The following PRMT8 variants were observed in gnomAD, a reference collection of about 807,000 sequenced individuals.
The protein encoded by PRMT8 is protein arginine N-methyltransferase 8.
Under a neutral mutation model 47.1 loss-of-function variants are expected in PRMT8, and 7 were observed. The ratio of observed to expected loss-of-function variants is 0.15; its 90% CI spans 0.08 to 0.28. The LOEUF is 0.28. PRMT8 is among the 10% of genes least tolerant of loss of function. The pLI, the probability that PRMT8 is intolerant of heterozygous loss-of-function variation, is 1.00. For missense variants in PRMT8, 237 were observed against 505.4 expected, an observed-to-expected ratio of 0.47 and a Z score of 5.09; for synonymous variants, 188 against 186.5, an observed-to-expected ratio of 1.01 and a Z score of -0.07.
chr12:3,471,136 A>G (rs1017905543), intron 1 of PRMT8, among the ~76,000 whole-genome samples: 3 of 152,078 alleles, frequency 2.0e-5, no homozygotes, highest in Non-Finnish European at 2.9e-5. Flanking sequence ...GCCTGTCTGA[A>G]GGCTGCACTT....
intron 1 of PRMT8, among the ~76,000 whole-genome samples, chr12:3,506,884 G>C (rs541075098): frequency 6.6e-6 from 1 of 152,076 alleles, no homozygotes; most frequent in Non-Finnish European, 1.5e-5. Context: ...GTAGGAGAGA[G>C]AGATACACAG....
chr12:3,448,575 C>T (rs374572402), intron 1 of PRMT8, among the ~76,000 whole-genome samples: 18 of 152,030 alleles, frequency 1.2e-4, no homozygotes, highest in East Asian at 3.9e-4. Flanking sequence ...GCATTGTAGA[C>T]GGTGAGCAGC....
At chr12:3,577,807 G>A (rs1287526583) in intron 7 of PRMT8, among the ~76,000 whole-genome samples, 1 of 152,052 alleles carries the variant, frequency 6.6e-6, no homozygotes, top group Non-Finnish European at 1.5e-5. Context: ...ACCTTTGCCC[G>A]AGGCTTCCTT....
chr12:3,571,759 T>C (rs1273189579), intron 6 of PRMT8, among the ~76,000 whole-genome samples: 1 of 152,248 alleles, frequency 6.6e-6, no homozygotes, highest in African/African-American at 2.4e-5. Flanking sequence ...ATACATTTTC[T>C]ATTTACATTT....
intron 1 of PRMT8, among the ~76,000 whole-genome samples, chr12:3,385,727 T>G (rs1236853781): frequency 6.6e-6 from 1 of 152,244 alleles, no homozygotes; most frequent in Non-Finnish European, 1.5e-5. Context: ...GCCTTGGCTT[T>G]CTTTACACTT....
intron 1 of PRMT8, among the ~76,000 whole-genome samples, chr12:3,507,184 C>T (rs904875272): frequency 3.4e-5 from 5 of 149,146 alleles, no homozygotes; most frequent in African/African-American, 5.0e-5. Flanking sequence ...TGCAGTGGCG[C>T]CATCTCAGCT....
intron 1 of PRMT8, among the ~76,000 whole-genome samples, chr12:3,539,805 G>GTT (rs1357101784): frequency 6.6e-6 from 1 of 152,218 alleles, no homozygotes; most frequent in Non-Finnish European, 1.5e-5. Flanking sequence ...ATAATTGGTT[G>GTT]TGTGGAGGCC....
intron 4 of PRMT8, among the ~76,000 whole-genome samples, chr12:3,567,340 GCACTT>G (rs1436557036): frequency 1.3e-5 from 2 of 152,208 alleles, no homozygotes; most frequent in Non-Finnish European, 2.9e-5. Flanking sequence ...AGAAGATCTG[GCACTT>G]AAACCTAGGT....
At position 3,550,948 on chromosome 12, in the gene PRMT8, A is replaced by G. The variant is rs1017071442; in HGVS notation, c.417+857A>G. ...TTCATCTTGGTCAAAATGAAAGGCA[A>G]ACCACAATGAGATTCCCAGTCTGCA... On this transcript the variant is annotated intron_variant, in intron 3 of 9. Transcript: ENST00000382622. The surrounding 1 kb of genome is among the most constrained non-coding windows in gnomAD (Gnocchi z 5.1). The G allele has an allele frequency of 3.9e-5, 6 of 152,268 alleles. No individual in the cohort carries two copies. Among genetic ancestry groups the G allele is most frequent in the African/African-American group, 1.4e-4 (6 of 41,462 alleles). 9.4% of individuals were successfully genotyped at this position (152,268 alleles called of 1,614,324 possible).
intron 1 of PRMT8, among the ~76,000 whole-genome samples, chr12:3,471,914 T>TAGCG (rs2137095734): frequency 1.3e-5 from 2 of 151,964 alleles, no homozygotes; most frequent in East Asian, 3.9e-4. Context: ...GATGGTAAGG[T>TAGCG]AGCGGGGTGA....
At chr12:3,439,778 T>C (rs1194539802) in intron 1 of PRMT8, among the ~76,000 whole-genome samples, 2 of 152,214 alleles carry the variant, frequency 1.3e-5, no homozygotes, top group Non-Finnish European at 2.9e-5. Context: ...AGTGCCTGTA[T>C]TGTCTCTGCT....
At position 3,591,411 on chromosome 12, in the gene PRMT8, T is replaced by G. The variant is rs909277098; in HGVS notation, c.980-820T>G. Among the ~76,000 whole-genome samples, 14 of 146,114 alleles carry G rather than the reference T, an allele frequency of 9.6e-5. No homozygotes were observed. In the South Asian group the frequency reaches 3.1e-3, roughly 32 times the overall value. On this transcript the variant is annotated intron_variant, in intron 8 of 9. Coordinates refer to ENST00000382622, the MANE Select transcript of PRMT8 (RefSeq NM_019854.5). ...GAGAAGCAGGCAGGGAAAGCTCTTT[T>G]TTTTTTTTTTTTTTTTTGAGACAGG...
chr12:3,583,169 G>C lies in PRMT8; in HGVS notation c.940G>C (p.Glu314Gln). 6.2e-7 allele frequency: 1 copy of C among 1,613,688 alleles called. No homozygotes were observed. The highest frequency in any genetic ancestry group is 8.5e-7 in the Non-Finnish European group (1 of 1,179,820). The change falls in exon 8 of 10, where the codon GAA becomes CAA. Residue 314 changes from glutamate to glutamine, a missense_variant. Coordinates refer to ENST00000382622, the MANE Select transcript of PRMT8 (RefSeq NM_019854.5). The surrounding 1 kb of genome is among the most constrained non-coding windows in gnomAD (Gnocchi z 4.7). ...VHALVTYFNI[E>Q]FTKCHKKMGF... is the part of the protein sequence containing the mutation. ...CGCCCTGGTCACCTATTTTAATATT[G>C]AATTTACCAAGTGCCACAAGAAAAT...
chr12:3,403,342 G>A (rs765407146), intron 1 of PRMT8, among the ~76,000 whole-genome samples: 1 of 152,116 alleles, frequency 6.6e-6, no homozygotes, highest in Non-Finnish European at 1.5e-5. Context: ...GAGAGCATCA[G>A]GAAGAATAGC....
At chr12:3,470,635 G>A (rs535148131) in intron 1 of PRMT8, among the ~76,000 whole-genome samples, 1 of 150,620 alleles carries the variant, frequency 6.6e-6, no homozygotes, top group African/African-American at 2.4e-5. Flanking sequence ...AGGGTCTCCA[G>A]AATACGCAGG....
chr12:3,578,776 T>C (rs536551787), intron 7 of PRMT8, among the ~76,000 whole-genome samples: 1 of 152,154 alleles, frequency 6.6e-6, no homozygotes, highest in Non-Finnish European at 1.5e-5. Flanking sequence ...GACACAAGCC[T>C]TGCTAGGAAG....
intron 1 of PRMT8, among the ~76,000 whole-genome samples, chr12:3,511,115 C>G (rs1332435701): frequency 6.6e-6 from 1 of 152,056 alleles, no homozygotes; most frequent in Non-Finnish European, 1.5e-5. Context: ...GCAGATCTTA[C>G]ATTTTGCTCT....
chr12:3,514,493 ATATAAGCGG>A lies in PRMT8; in HGVS notation c.75+22794_75+22802del, dbSNP rs1373452662. Among the ~76,000 whole-genome samples the A allele has an allele frequency of 6.6e-6, 1 of 152,160 alleles. No individual in the cohort carries two copies. The highest frequency in any genetic ancestry group is 2.4e-5 in the African/African-American group (1 of 41,436). ...TCCGTACTTCCACTGAAGATGTCCA[ATATAAGCGG>A]GTCAGGGTCACCCTGCCTCCAAGTG... is the stretch of plus-strand genomic sequence containing the variant. On this transcript the variant is annotated intron_variant, in intron 1 of 9. Transcript: ENST00000382622. This position sits in a 1 kb window ranked among gnomAD's most constrained non-coding sequence, Gnocchi z 5.9.
intron 1 of PRMT8, among the ~76,000 whole-genome samples, chr12:3,507,124 T>C (rs1427459454): frequency 6.7e-6 from 1 of 148,288 alleles, no homozygotes; most frequent in South Asian, 2.2e-4. Flanking sequence ...CTTTCTTTTT[T>C]TTTTTTTTTT....
Sources: gnomAD v4.1 joint callset for allele counts (sites outside exome capture counted in the v4.1 genomes callset) on GRCh38, gnomAD v4.1.1 for gene constraint, Gnocchi (gnomAD v3.1) non-coding constraint, MANE v1.5 for transcripts, NCBI Gene and HGNC (gene_info 2026-07-23, HGNC 2026-07-21) for gene names.